LRP2: variants seen among roughly 807,000 people sequenced by gnomAD.
LRP2 encodes low-density lipoprotein receptor-related protein 2.
LRP2 carries 172 observed loss-of-function variants against 531.0 expected under a neutral mutation model. The ratio of observed to expected loss-of-function variants is 0.32; its 90% CI spans 0.29 to 0.37. The LOEUF (loss-of-function observed/expected upper bound fraction) is 0.37. LRP2 is among the 10% of genes least tolerant of loss of function. The pLI is 1.00. For synonymous variants in LRP2, 1,992 were observed against 2,027.6 expected (o/e 0.98, Z 0.47); for missense variants, 5,167 against 5,868.3 (o/e 0.88, Z 3.90).
intron 34 of LRP2, among the ~76,000 whole-genome samples, chr2:169,219,339 C>A (rs1688906596): frequency 6.6e-6 from 1 of 151,904 alleles, no homozygotes; most frequent in South Asian, 2.1e-4. Flanking sequence ...ATGCTACAAT[C>A]TCTTTAAAAA....
rs571961486 is a variant in LRP2, at chr2:169,269,548, CAT to C, written c.2320+1354_2320+1355del. Among the ~76,000 whole-genome samples, 1,094 of 152,190 alleles carry C rather than the reference CAT, an allele frequency of 7.2e-3. 17 individuals are homozygous for C. Among genetic ancestry groups the C allele is most frequent in the African/African-American group, 0.023 (944 of 41,526 alleles). Reference sequence around the variant, plus strand: ...AATGGTACTGGGAAAACTGGCTAGCCATATTTAGAAAGCTGAAACTGGATCCC... The same window carrying C: ...AATGGTACTGGGAAAACTGGCTAGCCATTTAGAAAGCTGAAACTGGATCCC... On this transcript the variant is annotated intron_variant, in intron 16 of 78. Coordinates refer to ENST00000649046, the MANE Select transcript of LRP2 (RefSeq NM_004525.3).
At chr2:169,185,200 A>G (rs1051406139) in intron 50 of LRP2, among the ~76,000 whole-genome samples, 4 of 152,236 alleles carry the variant, frequency 2.6e-5, no homozygotes, top group African/African-American at 4.8e-5. Context: ...GAATGCACCA[A>G]TGAATGCATG....
At chr2:169,290,370 A>C (rs1346361954) in intron 8 of LRP2, among the ~76,000 whole-genome samples, 1 of 149,922 alleles carries the variant, frequency 6.7e-6, no homozygotes, top group Admixed American at 6.8e-5. Flanking sequence ...AAGGTCATCA[A>C]AATTGCCATT....
intron 1 of LRP2, among the ~76,000 whole-genome samples, chr2:169,347,604 G>A (rs1377659095): frequency 6.6e-6 from 1 of 151,438 alleles, no homozygotes; most frequent in Non-Finnish European, 1.5e-5. Flanking sequence ...AAAAAAAGGT[G>A]TTCCCAGATA....
chr2:169,303,850 G>A (rs982221844), intron 4 of LRP2, among the ~76,000 whole-genome samples: 3 of 152,012 alleles, frequency 2.0e-5, no homozygotes, highest in African/African-American at 7.2e-5. Context: ...GAAACAGTAA[G>A]CCAAATTTGG....
intron 71 of LRP2, among the ~76,000 whole-genome samples, chr2:169,141,392 T>A (rs181336205): frequency 1.3e-5 from 2 of 152,338 alleles, no homozygotes. Context: ...CTATTTATTG[T>A]CCTCTTAGAA....
intron 42 of LRP2, among the ~76,000 whole-genome samples, 187 bp from the exon 43 acceptor site, chr2:169,203,146 T>C (rs952782468): frequency 2.0e-5 from 3 of 152,120 alleles, no homozygotes; most frequent in Non-Finnish European, 2.9e-5. Flanking sequence ...CAATCACCAA[T>C]TTCTAATAAA....
chr2:169,186,654 C>T (rs1328521098), intron 49 of LRP2, among the ~76,000 whole-genome samples: 1 of 152,220 alleles, frequency 6.6e-6, no homozygotes, highest in Non-Finnish European at 1.5e-5. Context: ...GTTCACTGTG[C>T]ACCCCCAAAC....
At chr2:169,191,796 G>A (rs761472770) in intron 48 of LRP2, 36 bp downstream of exon 48, 2 of 1,588,832 alleles carry the variant, frequency 1.3e-6, no homozygotes, top group Non-Finnish European at 1.7e-6. Context: ...ATGGACATTT[G>A]AGGCATGCTG....
At chr2:169,226,383 A>G (rs1308375289) in intron 32 of LRP2, 39 bp downstream of exon 32, 5 of 1,555,688 alleles carry the variant, frequency 3.2e-6, no homozygotes, top group Admixed American at 1.7e-5. Flanking sequence ...AGGCTCTTCA[A>G]GAATAAATTA....
At chr2:169,213,574 GTGTGGGTGTGT>G (rs1334162151) in intron 36 of LRP2, 72 bp downstream of exon 36, 1 of 1,068,966 alleles carries the variant, frequency 9.4e-7, no homozygotes, top group Non-Finnish European at 1.5e-6. Context: ...GTGAAACTGT[GTGTGGGTGTGT>G]GCTTACAAAT....
chr2:169,186,026 G>A lies in LRP2; in HGVS notation c.9329-7C>T. On this transcript the variant is annotated splice_region_variant and splice_polypyrimidine_tract_variant and intron_variant, in intron 49 of 78. Coordinates refer to ENST00000649046, the MANE Select transcript of LRP2 (RefSeq NM_004525.3). ...TCATGGCATTCATTAATGCCTGTAGGTAAAAAGCAGTTCTTAGAGATCCTA... is the reference window on the plus strand; with the variant it reads ...TCATGGCATTCATTAATGCCTGTAGATAAAAAGCAGTTCTTAGAGATCCTA... The A allele has an allele frequency of 1.2e-6, 2 of 1,612,192 alleles. No homozygotes were observed. The highest frequency in any genetic ancestry group is 4.5e-5 in the East Asian group (2 of 44,850).
chr2:169,135,778 C>T (rs2105332290), intron 76 of LRP2, among the ~76,000 whole-genome samples: 1 of 152,268 alleles, frequency 6.6e-6, no homozygotes, highest in Non-Finnish European at 1.5e-5. Context: ...AGTCTCATTC[C>T]AGACACCAGA....
intron 51 of LRP2, 106 bp from the exon 52 acceptor site, chr2:169,181,724 G>GCCCCT: frequency 9.1e-6 from 5 of 547,036 alleles, no homozygotes; most frequent in East Asian, 2.9e-5. Context: ...ATTCTGTAGA[G>GCCCCT]CAGACTGCAT....
In LRP2 at chr2:169,238,253, G is replaced by A. The variant is rs35297090; in HGVS notation, c.4344C>T (p.Ala1448=). 7.4e-6 allele frequency: 12 copies of A among 1,613,924 alleles called. No homozygotes were observed. In the East Asian group the frequency reaches 2.0e-4, roughly 27 times the overall value. The stretch of plus-strand genomic sequence containing the variant: ...TGTGGACCTGGGAGGTGACACTGTC[G>A]GCAATAATTTTGTTCTGACTTGCCA... ...LLVASQNKII[A]DSVTSQVHNI... is the part of the protein sequence containing the mutation. Residue 1448 remains alanine (A), a synonymous_variant, in exon 27 of 79, where the codon GCC becomes GCT. Transcript: ENST00000649046.
chr2:169,208,198 T>C (rs1688463085), intron 38 of LRP2, among the ~76,000 whole-genome samples: 1 of 152,124 alleles, frequency 6.6e-6, no homozygotes, highest in Non-Finnish European at 1.5e-5. Context: ...CCATAGACAA[T>C]ACACAAATAA....
chr2:169,346,178 T>TA (rs1685692671), intron 1 of LRP2, among the ~76,000 whole-genome samples: 1 of 152,240 alleles, frequency 6.6e-6, no homozygotes, highest in African/African-American at 2.4e-5. Context: ...AAGTGTTCAA[T>TA]ACAATATGAT....
In LRP2 at chr2:169,275,245, T is replaced by G. The variant is rs557083917; in HGVS notation, c.1773-7A>C. On this transcript the variant is annotated splice_region_variant and splice_polypyrimidine_tract_variant and intron_variant, in intron 13 of 78. Transcript: ENST00000649046. ...TCCATGAACTACAGTCTTCCTGTTA[T>G]AAAAGACACATATATATCATACAAT... The G allele has an allele frequency of 1.9e-6, 3 of 1,604,988 alleles. No homozygotes were observed. Among genetic ancestry groups the G allele is most frequent in the East Asian group, 4.5e-5 (2 of 44,758 alleles).
rs972781994 is a variant in LRP2, at chr2:169,177,208, C to A, written c.10393+595G>T. On this transcript the variant is annotated intron_variant, in intron 53 of 78. Coordinates refer to ENST00000649046, the MANE Select transcript of LRP2 (RefSeq NM_004525.3). ...CACAACAAAGCAGACCCACAAAAACCAGTCTATCCCCAAAATATATTTCAG... is the reference window on the plus strand; with the variant it reads ...CACAACAAAGCAGACCCACAAAAACAAGTCTATCCCCAAAATATATTTCAG... 7.9e-5 allele frequency among the ~76,000 whole-genome samples: 12 copies of A among 152,224 alleles called. No homozygotes were observed. The South Asian group carries it at 8.3e-4, about 11-fold the overall frequency.
Sources: gnomAD v4.1 joint callset for allele counts (sites outside exome capture counted in the v4.1 genomes callset) on GRCh38, gnomAD v4.1.1 for gene constraint, MANE v1.5 for transcripts, NCBI Gene and HGNC (gene_info 2026-07-23, HGNC 2026-07-21) for gene names.